Variants in DNASE1 observed in about 807,000 individuals in gnomAD.
The protein encoded by DNASE1 is deoxyribonuclease 1.
DNASE1 carries 40 observed loss-of-function variants against 33.9 expected under a neutral mutation model. The observed-to-expected ratio is 1.18, with a 90% CI of 0.92 to 1.54. The LOEUF is 1.54. Ranked by LOEUF, DNASE1 falls within the 40% of genes most tolerant of loss-of-function variation. The probability of loss-of-function intolerance (pLI) is 0.00; values close to 1 mark genes in which losing one functional copy is unlikely to be tolerated. For synonymous variants in DNASE1, 216 were observed against 160.0 expected (o/e 1.35, Z -2.64); for missense variants, 518 against 372.6 (o/e 1.39, Z -3.21).
Position 3,655,490 on chromosome 16 carries a change from C to T in DNASE1, c.117C>T (p.Ser39=), listed in dbSNP as rs200404670. 168 of 1,614,142 alleles carry T rather than the reference C, an allele frequency of 1.0e-4. No individual in the cohort carries two copies. Among genetic ancestry groups the T allele is most frequent in the Non-Finnish European group, 1.4e-4 (165 of 1,180,030 alleles). ...NIQTFGETKM[S]NATLVSYIVQ... ...AGACATTTGGGGAGACCAAGATGTCCAATGCCACCCTCGTCAGCTACATTG... is the reference window on the plus strand; with the variant it reads ...AGACATTTGGGGAGACCAAGATGTCTAATGCCACCCTCGTCAGCTACATTG... Residue 39 remains serine, a synonymous_variant, in exon 2 of 9, where the codon TCC becomes TCT. Transcript: ENST00000246949.
At chr16:3,662,771 T>C (rs1567221258), downstream of DNASE1, 1 of 1,011,416 alleles carries the variant, frequency 9.9e-7, no homozygotes, top group African/African-American at 1.6e-5. Flanking sequence ...ACCAAGGGCT[T>C]CTGCTGCTGC....
intron 1 of DNASE1, among the ~76,000 whole-genome samples, chr16:3,615,822 C>G (rs920167573): frequency 6.6e-6 from 1 of 152,186 alleles, no homozygotes; most frequent in Non-Finnish European, 1.5e-5. Flanking sequence ...TTGAAAGCTT[C>G]TGGCATCTTC....
chr16:3,625,180 C>T (rs1053619384), intron 1 of DNASE1, among the ~76,000 whole-genome samples: 2 of 152,142 alleles, frequency 1.3e-5, no homozygotes, highest in Non-Finnish European at 1.5e-5. Context: ...GTGGTGCATG[C>T]CTGTAATCCC....
At chr16:3,664,675 C>G in exon 10 of DNASE1, 1 of 550,262 alleles carries the variant, frequency 1.8e-6, no homozygotes, top group Non-Finnish European at 3.1e-6. Flanking sequence ...GGAAGCACCT[C>G]CTGCCCCAGG....
intron 8 of DNASE1, 30 bp downstream of exon 8, chr16:3,657,846 A>T: frequency 6.2e-7 from 1 of 1,613,998 alleles, no homozygotes; most frequent in Non-Finnish European, 8.5e-7. Flanking sequence ...CAGCCACATG[A>T]GGATGGGACA....
downstream of DNASE1, chr16:3,661,722 G>A: frequency 2.5e-6 from 1 of 392,438 alleles, no homozygotes; most frequent in Admixed American, 4.5e-5. Context: ...ACACGCACAG[G>A]TGGCAAAGCC....
In DNASE1 at chr16:3,658,065, G is replaced by GTAAA; in HGVS notation, c.*117_*120dup. ...GGTTAAGAAATACCTTTAAATTTAG[G>GTAAA]TAAATAAAGCTCAAGGAGGTGGGGC... On this transcript the variant is annotated 3_prime_UTR_variant, in exon 9 of 9. Coordinates refer to ENST00000246949, the MANE Select transcript of DNASE1 (RefSeq NM_005223.4). 1.2e-6 allele frequency: 2 copies of GTAAA among 1,608,578 alleles called. No homozygotes were observed. Among genetic ancestry groups the GTAAA allele is most frequent in the Non-Finnish European group, 1.7e-6 (2 of 1,176,430 alleles).
chr16:3,662,231 G>A, downstream of DNASE1: 1 of 1,452,742 alleles, frequency 6.9e-7, no homozygotes, highest in South Asian at 1.3e-5. Flanking sequence ...CCACGAGGTA[G>A]CAGGCGGGGT....
At chr16:3,643,541 C>G (rs531056586) in intron 1 of DNASE1, among the ~76,000 whole-genome samples, 4 of 152,310 alleles carry the variant, frequency 2.6e-5, no homozygotes, top group Admixed American at 2.0e-4. Context: ...CTGCCCACCA[C>G]GGAGCGGAGT....
rs1263624457 is a variant in DNASE1, at chr16:3,657,969, AC to A, written c.*18del. The A allele has an allele frequency of 1.2e-6, 2 of 1,613,594 alleles. No individual in the cohort carries two copies. Among genetic ancestry groups the A allele is most frequent in the African/African-American group, 1.3e-5 (1 of 74,898 alleles). ...GCTGAAGTGAGCAGCCCCTCCCCAC[AC>A]CAGTTGAACTGCAGGAAGAGAGGAC... is the stretch of plus-strand genomic sequence containing the variant. On this transcript the variant is annotated 3_prime_UTR_variant, in exon 9 of 9. Transcript: ENST00000246949.
At chr16:3,624,838 T>A (rs1229651988) in intron 1 of DNASE1, among the ~76,000 whole-genome samples, 10 of 152,058 alleles carry the variant, frequency 6.6e-5, no homozygotes, top group Non-Finnish European at 1.5e-4. Flanking sequence ...ATAGGTTTCT[T>A]CCAGCACACC....
rs2042493174 is a variant in DNASE1 at position 3,654,847 on chromosome 16, A to G, written c.-199A>G. On this transcript the variant is annotated 5_prime_UTR_variant, in exon 1 of 9. Coordinates refer to ENST00000246949, the MANE Select transcript of DNASE1 (RefSeq NM_005223.4). ...AGGTCACAGCTGCCTGAACTTTTAA[A>G]ACTCCCAGACACGCACTGCCTGTGC... 1 of 405,038 alleles carries G rather than the reference A, an allele frequency of 2.5e-6. No homozygotes were observed. Among genetic ancestry groups the G allele is most frequent in the Admixed American group, 4.2e-5 (1 of 23,586 alleles). 25.1% of individuals were successfully genotyped at this position (405,038 alleles called of 1,614,324 possible).
downstream of DNASE1, chr16:3,659,538 T>C (rs1041377522): frequency 6.6e-6 from 1 of 152,202 alleles, no homozygotes; most frequent in East Asian, 1.9e-4. Context: ...TATTTTTTTC[T>C]GCATAGGAAA....
chr16:3,615,718 C>G (rs1465886650), intron 1 of DNASE1, among the ~76,000 whole-genome samples: 1 of 152,158 alleles, frequency 6.6e-6, no homozygotes, highest in Non-Finnish European at 1.5e-5. Flanking sequence ...TTTCCCAGTT[C>G]ATAGGAGTCG....
intron 1 of DNASE1, among the ~76,000 whole-genome samples, chr16:3,632,375 G>A (rs969987476): frequency 6.6e-6 from 1 of 152,146 alleles, no homozygotes; most frequent in Non-Finnish European, 1.5e-5. Flanking sequence ...TTTTTGCTTT[G>A]AGGATTTTGA....
In DNASE1 at chr16:3,654,767, C is replaced by G. The variant is rs1413325425; in HGVS notation, c.-279C>G. On this transcript the variant is annotated 5_prime_UTR_variant, in exon 1 of 9. Transcript: ENST00000246949. ...AGCAACCCACCTATGCGGAAAGCCA[C>G]ACAGAGCCATTGTTTTCTGCACTCT... 5.0e-6 allele frequency: 2 copies of G among 400,206 alleles called. No homozygotes were observed. Among genetic ancestry groups the G allele is most frequent in the African/African-American group, 4.1e-5 (2 of 48,642 alleles). The allele number at this position is 400,206 out of a possible 1,614,324, so 24.8% of individuals were successfully genotyped here. A position where few individuals can be genotyped will look rare whatever the true frequency, so the allele number is the denominator to read the frequency against.
chr16:3,655,608 T>C (rs1177659239), intron 2 of DNASE1, 88 bp downstream of exon 2: 3 of 1,591,454 alleles, frequency 1.9e-6, no homozygotes, highest in African/African-American at 2.7e-5. Flanking sequence ...AGCCACAGGG[T>C]GTCGGGTGTG....
chr16:3,654,873 A>T lies in DNASE1; in HGVS notation c.-173A>T. The T allele has an allele frequency of 2.4e-6, 1 of 422,844 alleles. No homozygotes were observed. The highest frequency in any genetic ancestry group is 4.1e-6 in the Non-Finnish European group (1 of 241,376). The allele number at this position is 422,844 out of a possible 1,614,324, so 26.2% of individuals were successfully genotyped here. A position where few individuals can be genotyped will look rare whatever the true frequency, so the allele number is the denominator to read the frequency against. On this transcript the variant is annotated 5_prime_UTR_variant, in exon 1 of 9. Transcript: ENST00000246949. ...ACTCCCAGACACGCACTGCCTGTGC[A>T]GGATCCGGAGCCCAGCAGCACTGCC... is the stretch of plus-strand genomic sequence containing the variant.
intron 1 of DNASE1, among the ~76,000 whole-genome samples, chr16:3,626,118 C>A (rs1361651863): frequency 6.6e-6 from 1 of 151,726 alleles, no homozygotes; most frequent in South Asian, 2.1e-4. Context: ...TGTAAAGATA[C>A]CACAGACTAG....
Sources: gnomAD v4.1 joint callset for allele counts (sites outside exome capture counted in the v4.1 genomes callset) on GRCh38, gnomAD v4.1.1 for gene constraint, MANE v1.5 for transcripts, NCBI Gene and HGNC (gene_info 2026-07-23, HGNC 2026-07-21) for gene names.